The following MRC1 variants were observed in gnomAD, a reference collection of about 807,000 sequenced individuals.
The protein encoded by MRC1 is macrophage mannose receptor 1.
A neutral mutation model predicts 102.9 loss-of-function variants in MRC1; 62 were observed. The ratio of observed to expected loss-of-function variants is 0.60; its 90% confidence interval spans 0.49 to 0.74. The LOEUF (loss-of-function observed/expected upper bound fraction) is 0.74. MRC1 is among the 30% of genes least tolerant of loss of function. The probability of loss-of-function intolerance (pLI) is 0.00; values close to 1 mark genes in which losing one functional copy is unlikely to be tolerated. For missense variants in MRC1, 1,237 were observed against 862.8 expected (o/e 1.43, Z -5.43); for synonymous variants, 457 against 298.4 (o/e 1.53, Z -5.48).
Position 17,910,678 on chromosome 10 carries a change from T to C in MRC1, c.*213T>C. The C allele has an allele frequency of 1.7e-6, 1 of 595,178 alleles. No homozygotes were observed. 36.9% of individuals were successfully genotyped at this position (595,178 alleles called of 1,614,324 possible). ...GGATAACAATGCTGATTACTACCTT[T>C]TAAAATATTTTAGATAAATGCACAG... On this transcript the variant is annotated 3_prime_UTR_variant, in exon 30 of 30. Transcript: ENST00000569591.
chr10:17,872,125 AG>A lies in MRC1; in HGVS notation c.2344+1del. 8 of 780,644 alleles carry A rather than the reference AG, an allele frequency of 1.0e-5. No homozygotes were observed. 48.4% of individuals were successfully genotyped at this position (780,644 alleles called of 1,614,324 possible). ...LNNWICQIQKGQTPKPEPTPA... is the reference protein window; with the variant it reads ...LNNWICQIQKXQTPKPEPTPA... Reference sequence around the variant, plus strand: ...ACAACTGGATTTGCCAGATACAAAAAGGTATGATCACCTCTTCTCTCCTTTA... The same window carrying A: ...ACAACTGGATTTGCCAGATACAAAAAGTATGATCACCTCTTCTCTCCTTTA... On this transcript the variant is annotated frameshift_variant and splice_region_variant, in exon 15 of 30. Coordinates refer to ENST00000569591, the MANE Select transcript of MRC1 (RefSeq NM_002438.4). LOFTEE classifies it high-confidence loss of function.
At chr10:17,844,467 G>A (rs979074070) in intron 5 of MRC1, among the ~76,000 whole-genome samples, 3 of 151,978 alleles carry the variant, frequency 2.0e-5, no homozygotes, top group Non-Finnish European at 2.9e-5. Context: ...TGATCCATCC[G>A]CCTCAGCCTC....
chr10:17,907,726 A>T (rs985711354), intron 28 of MRC1, 28 bp downstream of exon 28: 1 of 780,342 alleles, frequency 1.3e-6, no homozygotes, highest in Non-Finnish European at 2.4e-6. Flanking sequence ...TGCATGGTGC[A>T]TATCACTGGC....
chr10:17,881,349 G>A (rs997159042), intron 21 of MRC1, among the ~76,000 whole-genome samples, 168 bp downstream of exon 21: 49 of 152,264 alleles, frequency 3.2e-4, no homozygotes, highest in South Asian at 1.2e-3. Context: ...ATTATAGCAC[G>A]TATTAAGCTG....
chr10:17,910,675 C>A lies in MRC1; in HGVS notation c.*210C>A, dbSNP rs1008866736. On this transcript the variant is annotated 3_prime_UTR_variant, in exon 30 of 30. Transcript: ENST00000569591. Reference sequence around the variant, plus strand: ...GAGGGATAACAATGCTGATTACTACCTTTTAAAATATTTTAGATAAATGCA... The same window carrying A: ...GAGGGATAACAATGCTGATTACTACATTTTAAAATATTTTAGATAAATGCA... 1.2e-5 allele frequency: 7 copies of A among 605,864 alleles called. No homozygotes were observed. Among genetic ancestry groups the A allele is most frequent in the Middle Eastern group, 4.5e-4 (1 of 2,240 alleles). 37.5% of individuals were successfully genotyped at this position (605,864 alleles called of 1,614,324 possible). A position where few individuals can be genotyped will look rare whatever the true frequency, so the allele number is the denominator to read the frequency against.
At chr10:17,833,537 A>AAAAT in intron 3 of MRC1, 138 bp from the exon 4 acceptor site, 1 of 692,178 alleles carries the variant, frequency 1.4e-6, no homozygotes. Context: ...AAAAAAAAAA[A>AAAAT]GTAGAAAGGG....
At chr10:17,841,797 G>A (rs1838755394) in intron 5 of MRC1, among the ~76,000 whole-genome samples, 3 of 149,310 alleles carry the variant, frequency 2.0e-5, no homozygotes, top group Non-Finnish European at 4.4e-5. Context: ...CGTCTGCCGT[G>A]GGTGTGGGAA....
chr10:17,871,974 T>C lies in MRC1; in HGVS notation c.2200-8T>C. On this transcript the variant is annotated splice_region_variant and splice_polypyrimidine_tract_variant and intron_variant, in intron 14 of 29. Transcript: ENST00000569591. ...GTTAATGGTTGTAGTTTAATGTTTC[T>C]AATATAGGTTTCATATGAAAACTGG... 1.3e-6 allele frequency: 1 copy of C among 780,348 alleles called. No homozygotes were observed. Among genetic ancestry groups the C allele is most frequent in the Non-Finnish European group, 2.4e-6 (1 of 417,708 alleles). 48.3% of individuals were successfully genotyped at this position (780,348 alleles called of 1,614,324 possible).
intron 17 of MRC1, among the ~76,000 whole-genome samples, chr10:17,875,900 C>A (rs1455651123): frequency 1.3e-5 from 2 of 152,178 alleles, no homozygotes; most frequent in African/African-American, 4.8e-5. Context: ...AAAATGTTTC[C>A]TTTTCACCAC....
intron 28 of MRC1, among the ~76,000 whole-genome samples, chr10:17,908,219 A>G (rs1349203053): frequency 6.6e-6 from 1 of 152,196 alleles, no homozygotes; most frequent in Non-Finnish European, 1.5e-5. Context: ...TTTTGTTGAT[A>G]TGTCATGTCA....
intron 6 of MRC1, among the ~76,000 whole-genome samples, chr10:17,848,709 G>T (rs930562210): frequency 1.3e-5 from 2 of 152,152 alleles, no homozygotes; most frequent in African/African-American, 2.4e-5. Flanking sequence ...CTTTTCATGT[G>T]ATGTGACTTG....
chr10:17,838,408 A>C (rs1290570151), intron 4 of MRC1, among the ~76,000 whole-genome samples: 1 of 152,216 alleles, frequency 6.6e-6, no homozygotes, highest in East Asian at 1.9e-4. Context: ...GGAGTCTCTG[A>C]GTCCTGAATC....
At chr10:17,836,314 C>A (rs1838661358) in intron 4 of MRC1, among the ~76,000 whole-genome samples, 1 of 152,178 alleles carries the variant, frequency 6.6e-6, no homozygotes, top group African/African-American at 2.4e-5. Flanking sequence ...GGTTCTTCCT[C>A]TGTCTGCTCA....
intron 1 of MRC1, among the ~76,000 whole-genome samples, chr10:17,820,571 G>A (rs1365963807): frequency 6.6e-6 from 1 of 152,016 alleles, no homozygotes; most frequent in Non-Finnish European, 1.5e-5. Flanking sequence ...TAAGACTGTT[G>A]TTTGACAATA....
Position 17,823,410 on chromosome 10 carries a change from C to T in MRC1, c.398C>T (p.Ser133Leu), listed in dbSNP as rs1239359053. The T allele has an allele frequency of 1.8e-5, 14 of 780,624 alleles. No homozygotes were observed. Among genetic ancestry groups the T allele is most frequent in the African/African-American group, 8.5e-5 (5 of 59,090 alleles). 48.4% of individuals were successfully genotyped at this position (780,624 alleles called of 1,614,324 possible). The change falls in exon 2 of 30, where the codon TCG becomes TTG. Residue 133 changes from serine (S) to leucine (L), a missense_variant. Physicochemically the swap from Ser to Leu is moderately radical, Grantham distance 145. Transcript: ENST00000569591. Reference sequence around the variant, plus strand: ...AAGAATATTATGCTCTACAAGGGATCGGGTTTATGGAGCAGGTGGAAGATC... The same window carrying T: ...AAGAATATTATGCTCTACAAGGGATTGGGTTTATGGAGCAGGTGGAAGATC... ...QEKNIMLYKG[S>L]GLWSRWKIYG...
intron 21 of MRC1, among the ~76,000 whole-genome samples, chr10:17,882,631 T>G (rs1479919475): frequency 2.0e-5 from 3 of 152,024 alleles, no homozygotes; most frequent in Non-Finnish European, 2.9e-5. Flanking sequence ...TCTCAAAAGT[T>G]TATTTGGCTT....
chr10:17,836,920 T>C lies in MRC1; in HGVS notation c.802+3081T>C, dbSNP rs879994679. 3.0e-3 allele frequency among the ~76,000 whole-genome samples: 450 copies of C among 151,918 alleles called. 1 individual carries two copies. The highest frequency in any genetic ancestry group is 4.8e-3 in the Non-Finnish European group (327 of 67,930). On this transcript the variant is annotated intron_variant, in intron 4 of 29. Coordinates refer to ENST00000569591, the MANE Select transcript of MRC1 (RefSeq NM_002438.4). The stretch of plus-strand genomic sequence containing the variant: ...AGAGGTGAAATGGTTTCAGTTGATG[T>C]GTTTTTGGTTTTTGTGTTTGAATTT...
At chr10:17,826,003 C>G (rs896439830) in intron 2 of MRC1, among the ~76,000 whole-genome samples, 5 of 151,998 alleles carry the variant, frequency 3.3e-5, no homozygotes, top group African/African-American at 4.8e-5. Flanking sequence ...TAACAACTAC[C>G]TTTTTGACAA....
intron 8 of MRC1, 73 bp from the exon 9 acceptor site, chr10:17,856,169 C>CA (rs1243445821): frequency 0.04 from 20,447 of 511,738 alleles, 30 homozygotes; most frequent in African/African-American, 0.056. Context: ...GACACTGTCT[C>CA]AAAAAAAAAA....
Sources: gnomAD v4.1 joint callset for allele counts (sites outside exome capture counted in the v4.1 genomes callset) on GRCh38, gnomAD v4.1.1 for gene constraint, MANE v1.5 for transcripts, NCBI Gene and HGNC (gene_info 2026-07-23, HGNC 2026-07-21) for gene names.